The following MAP1S variants were observed in gnomAD, a reference collection of about 807,000 sequenced individuals.
MAP1S encodes the protein microtubule associated protein 1S, also known as microtubule-associated protein 1S.
A neutral mutation model predicts 60.9 loss-of-function variants in MAP1S; 27 were observed. That is an observed-to-expected ratio of 0.44 (90% CI 0.33 to 0.61). The LOEUF is 0.61. Among genes scored for constraint, MAP1S ranks in the 20% least tolerant of loss-of-function variants. The probability of loss-of-function intolerance (pLI) is 0.03; values close to 1 mark genes in which losing one functional copy is unlikely to be tolerated. For missense variants in MAP1S, 1,608 were observed against 1,486.6 expected (o/e 1.08, Z -1.34); for synonymous variants, 826 against 694.2 (o/e 1.19, Z -2.98).
rs1034673487 is a variant in MAP1S, at chr19:17,726,617, T to C, written c.1233T>C (p.Ser411=). Residue 411 remains serine, a synonymous_variant, in exon 5 of 7, where the codon TCT becomes TCC. Coordinates refer to ENST00000324096, the MANE Select transcript of MAP1S (RefSeq NM_018174.6). The part of the protein sequence containing the change: ...PSAGAERTLA[S]VCALLVWHPA... ...CCGGCGCCGAGCGCACGCTGGCCTC[T>C]GTGTGCGCCCTGCTGGTGTGGCACC... 2.5e-6 allele frequency: 4 copies of C among 1,571,652 alleles called. No homozygotes were observed. In the African/African-American group the frequency reaches 4.0e-5, roughly 16 times the overall value.
Position 17,727,567 on chromosome 19 carries a change from G to C in MAP1S, c.2183G>C (p.Arg728Pro). The change falls in exon 5 of 7, where the codon CGC becomes CCC. Residue 728 changes from arginine (R) to proline (P), a missense_variant. Coordinates refer to ENST00000324096, the MANE Select transcript of MAP1S (RefSeq NM_018174.6). The surrounding 1 kb of genome is among the most constrained non-coding windows in gnomAD (Gnocchi z 4.1). The stretch of plus-strand genomic sequence containing the variant: ...CCGCTGCGTGGCCCCCGGGCGCGGC[G>C]CTCGGCTTCCCCACACGATGTGGAC... ...SLPLRGPRAR[R>P]SASPHDVDLC... 2 of 1,607,186 alleles carry C rather than the reference G, an allele frequency of 1.2e-6. No individual in the cohort carries two copies. The highest frequency in any genetic ancestry group is 2.2e-5 in the East Asian group (1 of 44,818).
intron 5 of MAP1S, among the ~76,000 whole-genome samples, chr19:17,730,552 G>A (rs2080484242): frequency 6.6e-6 from 1 of 152,206 alleles, no homozygotes; most frequent in South Asian, 2.1e-4. Context: ...CCAGCCTCAA[G>A]CGATTCTCTC....
chr19:17,733,069 A>G, intron 5 of MAP1S, 124 bp from the exon 6 acceptor site: 1 of 622,884 alleles, frequency 1.6e-6, no homozygotes, highest in South Asian at 2.0e-5. Context: ...CTCCCCAGAA[A>G]ACTCTGAGTT....
chr19:17,727,245 G>T lies in MAP1S; in HGVS notation c.1861G>T (p.Glu621Ter). Residue 621 changes from glutamate (E) to a stop codon, truncating the protein, a stop_gained, in exon 5 of 7, where the codon GAG becomes TAG. Coordinates refer to ENST00000324096, the MANE Select transcript of MAP1S (RefSeq NM_018174.6). LOFTEE classifies it high-confidence loss of function. The surrounding 1 kb of genome is among the most constrained non-coding windows in gnomAD (Gnocchi z 4.1). Reference protein sequence around the residue: ...LELGPIPAGEEKALELPLAAS... With the variant: ...LELGPIPAGE ...GCTGGGGCCGATCCCAGCCGGGGAG[G>T]AGAAGGCACTGGAGCTGCCTTTGGC... 1.3e-6 allele frequency: 2 copies of T among 1,570,504 alleles called. No homozygotes were observed. Among genetic ancestry groups the T allele is most frequent in the Non-Finnish European group, 8.6e-7 (1 of 1,163,334 alleles).
At chr19:17,724,778 A>T (rs1185230982) in intron 3 of MAP1S, among the ~76,000 whole-genome samples, 1 of 152,104 alleles carries the variant, frequency 6.6e-6, no homozygotes. Flanking sequence ...GGAGAGGTGG[A>T]CTAGAGAGAG....
chr19:17,720,217 G>A, intron 1 of MAP1S: 7 of 1,371,402 alleles, frequency 5.1e-6, no homozygotes, highest in Non-Finnish European at 5.6e-6. Context: ...ACTGGCGGGC[G>A]TGATGCGCCC....
Position 17,726,051 on chromosome 19 carries a change from C to G in MAP1S, c.667C>G (p.Pro223Ala), listed in dbSNP as rs1163560635. The G allele has an allele frequency of 6.2e-7, 1 of 1,613,522 alleles. No individual in the cohort carries two copies. Among genetic ancestry groups the G allele is most frequent in the Admixed American group, 1.7e-5 (1 of 59,994 alleles). Residue 223 changes from proline to alanine, a missense_variant, in exon 5 of 7, where the codon CCC becomes GCC. Pro to Ala is a conservative substitution (Grantham distance 27, BLOSUM62 -1). Around this residue, in one of 4 missense-constraint regions of MAP1S, gnomAD observed 320 missense variants for 393.1 expected, o/e 0.81. Coordinates refer to ENST00000324096, the MANE Select transcript of MAP1S (RefSeq NM_018174.6). ...GGCTGAGTCTCTGGAGCCACCGTCC[C>G]CCTTCGAGCTGCTGGAGCCCCCGAC... Reference protein sequence around the residue: ...YVAESLEPPSPFELLEPPTSG... With the variant: ...YVAESLEPPSAFELLEPPTSG...
chr19:17,727,864 C>G lies in MAP1S; in HGVS notation c.2480C>G (p.Pro827Arg), dbSNP rs891187978. 6.2e-7 allele frequency: 1 copy of G among 1,613,190 alleles called. No homozygotes were observed. Among genetic ancestry groups the G allele is most frequent in the East Asian group, 2.2e-5 (1 of 44,862 alleles). ...GVPRHDPLPDPLKVPPPLPDP... is the reference protein window; with the variant it reads ...GVPRHDPLPDRLKVPPPLPDP... ...CCTCGCCACGACCCTTTGCCTGACC[C>G]CCTCAAGGTCCCCCCACCACTGCCT... The change falls in exon 5 of 7, where the codon CCC (proline) becomes CGC (arginine). Residue 827 changes from proline to arginine, a missense_variant. Pro to Arg is a moderately radical substitution (Grantham distance 103). Around this residue, in one of 4 missense-constraint regions of MAP1S, gnomAD observed 1,167 missense variants for 961.4 expected, o/e 1.21. Transcript: ENST00000324096. This position sits in a 1 kb window ranked among gnomAD's most constrained non-coding sequence, Gnocchi z 4.1.
At chr19:17,721,924 C>A (rs1417360746) in intron 2 of MAP1S, among the ~76,000 whole-genome samples, 3 of 152,146 alleles carry the variant, frequency 2.0e-5, no homozygotes, top group African/African-American at 7.2e-5. Context: ...TTGGGTGTTG[C>A]CTGCAGCCGC....
At position 17,733,417 on chromosome 19, in the gene MAP1S, C is replaced by T. The variant is rs373990918; in HGVS notation, c.3013C>T (p.Arg1005Cys). The T allele has an allele frequency of 1.1e-5, 18 of 1,600,484 alleles. No homozygotes were observed. Among genetic ancestry groups the T allele is most frequent in the African/African-American group, 2.7e-5 (2 of 74,678 alleles). Residue 1005 changes from arginine (R) to cysteine (C), a missense_variant, in exon 6 of 7, where the codon CGT (arginine) becomes TGT (cysteine). Transcript: ENST00000324096. ...ALLASKQHWD[R>C]DLQVTLIPTF... The stretch of plus-strand genomic sequence containing the variant: ...ACTGGCCAGCAAGCAGCATTGGGAC[C>T]GTGACCTGCAGGTGCGTGTCACCCC...
chr19:17,731,863 C>T lies in MAP1S; in HGVS notation c.2789-1330C>T, dbSNP rs562801188. On this transcript the variant is annotated intron_variant, in intron 5 of 6. Transcript: ENST00000324096. ...GTATTTTTAGTAAGAGACAGGGTTT[C>T]GCCATGTTGGCTAGGCTGGTCTTGA... is the stretch of plus-strand genomic sequence containing the variant. 4.6e-5 allele frequency among the ~76,000 whole-genome samples: 7 copies of T among 152,288 alleles called. No individual in the cohort carries two copies. The East Asian group carries it at 9.6e-4, about 21-fold the overall frequency.
chr19:17,720,570 G>GCCCTT, intron 1 of MAP1S: 3 of 1,394,166 alleles, frequency 2.2e-6, no homozygotes, highest in Non-Finnish European at 1.9e-6. Context: ...AGGGGGAAGG[G>GCCCTT]CCCCCTGGCC....
intron 5 of MAP1S, among the ~76,000 whole-genome samples, chr19:17,732,572 C>A (rs910304503): frequency 2.0e-5 from 3 of 152,206 alleles, no homozygotes; most frequent in Admixed American, 1.3e-4. Context: ...AGGCTCTGTC[C>A]ACCCACCCTG....
intron 1 of MAP1S, chr19:17,719,940 C>T: frequency 4.9e-6 from 1 of 203,924 alleles, no homozygotes; most frequent in Non-Finnish European, 8.8e-6. Context: ...CACGGCTCCG[C>T]TTCCCGCCTG....
Position 17,727,388 on chromosome 19 carries a change from C to T in MAP1S, c.2004C>T (p.Ala668=), listed in dbSNP as rs2080445190. ...PLRGGEAGPD[A]SPTVTTPTVT... The stretch of plus-strand genomic sequence containing the variant: ...GGGGCGGGGAGGCCGGGCCAGACGC[C>T]TCACCCACAGTGACCACACCCACGG... The change falls in exon 5 of 7, where the codon GCC becomes GCT. Residue 668 remains alanine (A), a synonymous_variant. Coordinates refer to ENST00000324096, the MANE Select transcript of MAP1S (RefSeq NM_018174.6). This position sits in a 1 kb window ranked among gnomAD's most constrained non-coding sequence, Gnocchi z 4.1. The T allele has an allele frequency of 2.5e-6, 4 of 1,594,336 alleles. No homozygotes were observed. The highest frequency in any genetic ancestry group is 1.1e-5 in the South Asian group (1 of 89,386).
At chr19:17,721,398 C>T (rs111582267) in intron 2 of MAP1S, 87 of 346,930 alleles carry the variant, frequency 2.5e-4, no homozygotes, top group African/African-American at 1.5e-3. Flanking sequence ...TAGAATGAAC[C>T]GGGCGCGGTG....
chr19:17,725,546 A>G lies in MAP1S; in HGVS notation c.445-283A>G, dbSNP rs982650651. Among the ~76,000 whole-genome samples the G allele has an allele frequency of 4.2e-4, 64 of 152,176 alleles. 1 individual carries two copies. Among genetic ancestry groups the G allele is most frequent in the African/African-American group, 1.5e-3 (62 of 41,434 alleles). ...AAAATGGTGAGAAAAGGTTCAGTAG[A>G]CAGGTGGGGCGTGGAGAGTCTCCTT... is the stretch of plus-strand genomic sequence containing the variant. On this transcript the variant is annotated intron_variant, in intron 4 of 6. Coordinates refer to ENST00000324096, the MANE Select transcript of MAP1S (RefSeq NM_018174.6). This position sits in a 1 kb window ranked among gnomAD's most constrained non-coding sequence, Gnocchi z 4.2.
chr19:17,733,655 G>A (rs894821078), intron 6 of MAP1S, among the ~76,000 whole-genome samples: 9 of 152,182 alleles, frequency 5.9e-5, no homozygotes, highest in African/African-American at 9.7e-5. Flanking sequence ...GCAGGGCCTC[G>A]TGAAGCCTCA....
intron 2 of MAP1S, among the ~76,000 whole-genome samples, chr19:17,721,745 A>G (rs907593920): frequency 4.6e-5 from 7 of 152,144 alleles, no homozygotes; most frequent in Non-Finnish European, 1.0e-4. Flanking sequence ...TGGAAGATGG[A>G]GTGTGGGCCC....
Sources: allele counts gnomAD v4.1 joint callset (sites outside exome capture counted in the v4.1 genomes callset), GRCh38; gene constraint gnomAD v4.1.1; regional missense constraint gnomAD v4.1.1; non-coding constraint Gnocchi (gnomAD v3.1); transcripts MANE v1.5; gene names NCBI Gene and HGNC (gene_info 2026-07-23, HGNC 2026-07-21).